The following KCNQ1 variants were observed in gnomAD, a reference collection of about 807,000 sequenced individuals.
KCNQ1 encodes potassium voltage-gated channel subfamily KQT member 1.
KCNQ1 carries 49 observed loss-of-function variants against 72.4 expected under a neutral mutation model. That is an observed-to-expected ratio of 0.68 (90% CI 0.54 to 0.86). KCNQ1 has a LOEUF of 0.86. Among genes scored for constraint, KCNQ1 ranks in the 40% least tolerant of loss-of-function variants. KCNQ1 has a pLI of 0.00. For missense variants in KCNQ1, 790 were observed against 945.1 expected, an observed-to-expected ratio of 0.84 and a Z score of 2.15; for synonymous variants, 450 against 412.6, an observed-to-expected ratio of 1.09 and a Z score of -1.10.
Position 2,673,627 on chromosome 11 carries a change from A to G in KCNQ1, c.1514+11546A>G, listed in dbSNP as rs1288050370. 5.0e-6 allele frequency: 2 copies of G among 398,592 alleles called. No individual in the cohort carries two copies. Among genetic ancestry groups the G allele is most frequent in the African/African-American group, 2.1e-5 (1 of 48,632 alleles). The allele number at this position is 398,592 out of a possible 1,614,324, so 24.7% of individuals were successfully genotyped here. A position where few individuals can be genotyped will look rare whatever the true frequency, so the allele number is the denominator to read the frequency against. Reference sequence around the variant, plus strand: ...ACGTGACCAGCCTACCCACCTTGCTACTGCTGATGACCACCCTGACTCATG... The same window carrying G: ...ACGTGACCAGCCTACCCACCTTGCTGCTGCTGATGACCACCCTGACTCATG... On this transcript the variant is annotated intron_variant, in intron 11 of 15. Coordinates refer to ENST00000155840, the MANE Select transcript of KCNQ1 (RefSeq NM_000218.3). This position sits in a 1 kb window ranked among gnomAD's most constrained non-coding sequence, Gnocchi z 4.5.
chr11:2,530,802 A>C (rs553603164), intron 2 of KCNQ1, among the ~76,000 whole-genome samples: 2 of 152,154 alleles, frequency 1.3e-5, no homozygotes, highest in African/African-American at 2.4e-5. Flanking sequence ...ATGTTTATGC[A>C]TGGCTGTGTT....
At chr11:2,733,857 C>CTCGCTCTCTCTCTCT (rs147278439) in intron 11 of KCNQ1, among the ~76,000 whole-genome samples, 1 of 76,322 alleles carries the variant, frequency 1.3e-5, no homozygotes, top group African/African-American at 6.1e-5. Flanking sequence ...CTCTCTCTCT[C>CTCGCTCTCTCTCTCT]CCCCCCCACT....
chr11:2,667,238 G>C (rs540782508), intron 11 of KCNQ1: 1 of 398,464 alleles, frequency 2.5e-6, no homozygotes, highest in Non-Finnish European at 4.4e-6. Flanking sequence ...CACTTCCTCC[G>C]TCTGAGCACG....
rs1309200824 is a variant in KCNQ1, at chr11:2,559,083, C to G, written c.478-11545C>G. Among the ~76,000 whole-genome samples the G allele has an allele frequency of 6.6e-6, 1 of 152,110 alleles. No homozygotes were observed. The highest frequency in any genetic ancestry group is 6.5e-5 in the Admixed American group (1 of 15,284). ...AAGGGGCAAGGTGGGGCTGGAGGCA[C>G]CGGCTCAGCAAGAGGGGTCACTTGA... is the stretch of plus-strand genomic sequence containing the variant. On this transcript the variant is annotated intron_variant, in intron 2 of 15. Transcript: ENST00000155840. The surrounding 1 kb of genome is among the most constrained non-coding windows in gnomAD (Gnocchi z 4.9).
chr11:2,789,252 C>T (rs1227660019), intron 15 of KCNQ1, among the ~76,000 whole-genome samples: 1 of 152,148 alleles, frequency 6.6e-6, no homozygotes, highest in African/African-American at 2.4e-5. Flanking sequence ...GAAGAGCAGA[C>T]GCTCTTCTGT....
At chr11:2,843,588 C>A (rs1362209497) in intron 15 of KCNQ1, among the ~76,000 whole-genome samples, 5 of 152,402 alleles carry the variant, frequency 3.3e-5, no homozygotes, top group African/African-American at 1.2e-4. Context: ...TCCCGCCTGT[C>A]CCTGGCCAGT....
rs1318166384 is a variant in KCNQ1, at chr11:2,667,165, C to T, written c.1514+5084C>T. ...TGGGAATCAGATGCCCTCAATCTGG[C>T]TTCCAGCCTGCCATCAGCCCAGCTG... On this transcript the variant is annotated intron_variant, in intron 11 of 15. Transcript: ENST00000155840. 6.5e-5 allele frequency: 26 copies of T among 398,568 alleles called. No homozygotes were observed. In the Admixed American group the frequency reaches 1.1e-3, roughly 17 times the overall value. The allele number at this position is 398,568 out of a possible 1,614,324, so 24.7% of individuals were successfully genotyped here.
Position 2,527,935 on chromosome 11 carries a change from A to C in KCNQ1, c.394A>C (p.Ile132Leu), listed in dbSNP as rs199472684. The C allele has an allele frequency of 1.9e-5, 31 of 1,613,818 alleles. No individual in the cohort carries two copies. The highest frequency in any genetic ancestry group is 2.5e-5 in the Non-Finnish European group (29 of 1,179,936). ...CGTGTCCCTGTCTTGCAGCTTCCTC[A>C]TCGTCCTGGTCTGCCTCATCTTCAG... ...CFVYHFAVFL[I>L]VLVCLIFSVL... The change falls in exon 2 of 16, where the codon ATC (isoleucine) becomes CTC (leucine). Residue 132 changes from isoleucine (I) to leucine (L), a missense_variant. Physicochemically the swap from Ile to Leu is conservative, Grantham distance 5. Coordinates refer to ENST00000155840, the MANE Select transcript of KCNQ1 (RefSeq NM_000218.3).
rs1051081065 is a variant in KCNQ1 at position 2,479,579 on chromosome 11, G to A, written c.386+34095G>A. On this transcript the variant is annotated intron_variant, in intron 1 of 15. Transcript: ENST00000155840. This position sits in a 1 kb window ranked among gnomAD's most constrained non-coding sequence, Gnocchi z 4.6. ...ACACAGGGCACCAAGTCCCTAGGCT[G>A]CACACAGCATGGAGGCCCTGGGCCC... Among the ~76,000 whole-genome samples the A allele has an allele frequency of 3.3e-5, 5 of 152,214 alleles. No individual in the cohort carries two copies. Among genetic ancestry groups the A allele is most frequent in the Non-Finnish European group, 7.3e-5 (5 of 68,036 alleles).
chr11:2,641,015 T>C, intron 10 of KCNQ1: 1 of 398,552 alleles, frequency 2.5e-6, no homozygotes, highest in East Asian at 3.6e-5. Context: ...CTTTGGTCAA[T>C]TAGTATTCCA....
rs1360322703 is a variant in KCNQ1, at chr11:2,654,983, A to G, written c.1394-6978A>G. 5.0e-6 allele frequency: 2 copies of G among 398,536 alleles called. No homozygotes were observed. The highest frequency in any genetic ancestry group is 8.8e-6 in the Non-Finnish European group (2 of 226,088). 24.7% of individuals were successfully genotyped at this position (398,536 alleles called of 1,614,324 possible). A position where few individuals can be genotyped will look rare whatever the true frequency, so the allele number is the denominator to read the frequency against. On this transcript the variant is annotated intron_variant, in intron 10 of 15. Transcript: ENST00000155840. The surrounding 1 kb of genome is among the most constrained non-coding windows in gnomAD (Gnocchi z 6.4). The stretch of plus-strand genomic sequence containing the variant: ...CTTGACTTGGAAAAGTATCATGCAA[A>G]ATAGAAAACACAGACACAATAAGGA...
Position 2,491,244 on chromosome 11 carries a change from A to C in KCNQ1, c.387-36684A>C, listed in dbSNP as rs1308778280. Among the ~76,000 whole-genome samples the C allele has an allele frequency of 6.6e-6, 1 of 152,234 alleles. No individual in the cohort carries two copies. The highest frequency in any genetic ancestry group is 1.5e-5 in the Non-Finnish European group (1 of 68,042). ...TAGGAAAACATGACCTGACCAAACA[A>C]ACTAAATAAAGCATCAGGGACCAAT... On this transcript the variant is annotated intron_variant, in intron 1 of 15. Transcript: ENST00000155840. This position sits in a 1 kb window ranked among gnomAD's most constrained non-coding sequence, Gnocchi z 4.1.
chr11:2,603,473 G>A lies in KCNQ1; in HGVS notation c.1393+14619G>A, dbSNP rs1848835814. Among the ~76,000 whole-genome samples, 1 of 152,102 alleles carries A rather than the reference G, an allele frequency of 6.6e-6. No homozygotes were observed. Among genetic ancestry groups the A allele is most frequent in the South Asian group, 2.1e-4 (1 of 4,826 alleles). ...AGCTGTGCAACTGCCACTCCAGTTT[G>A]AGAACATTTTTATCATTCCAAAAAG... On this transcript the variant is annotated intron_variant, in intron 10 of 15. Transcript: ENST00000155840. The surrounding 1 kb of genome is among the most constrained non-coding windows in gnomAD (Gnocchi z 4.1).
Position 2,817,998 on chromosome 11 carries a change from A to G in KCNQ1, c.1795-29769A>G, listed in dbSNP as rs1847654040. On this transcript the variant is annotated intron_variant, in intron 15 of 15. Transcript: ENST00000155840. The surrounding 1 kb of genome is among the most constrained non-coding windows in gnomAD (Gnocchi z 6.1). The stretch of plus-strand genomic sequence containing the variant: ...TATTCCCAAACTCTATCTACAAAAT[A>G]TTTTTCTCTTTTATCATTAAAGAAT... Among the ~76,000 whole-genome samples, 1 of 152,224 alleles carries G rather than the reference A, an allele frequency of 6.6e-6. No homozygotes were observed. Among genetic ancestry groups the G allele is most frequent in the East Asian group, 1.9e-4 (1 of 5,174 alleles).
At chr11:2,786,894 C>T (rs1846924410) in intron 15 of KCNQ1, among the ~76,000 whole-genome samples, 1 of 149,238 alleles carries the variant, frequency 6.7e-6, no homozygotes, top group East Asian at 2.0e-4. Context: ...AGTTCACCTC[C>T]CTGTTTGATT....
At position 2,588,463 on chromosome 11, in the gene KCNQ1, T is replaced by G. The variant is rs542079960; in HGVS notation, c.1252-250T>G. 6.6e-6 allele frequency among the ~76,000 whole-genome samples: 1 copy of G among 152,300 alleles called. No individual in the cohort carries two copies. The highest frequency in any genetic ancestry group is 6.5e-5 in the Admixed American group (1 of 15,306). ...GGCACCATCTTGTACGTTTATCTGC[T>G]TCCTGCTGTCCTGTTAGCGAGGCCG... is the stretch of plus-strand genomic sequence containing the variant. On this transcript the variant is annotated intron_variant, in intron 9 of 15. Coordinates refer to ENST00000155840, the MANE Select transcript of KCNQ1 (RefSeq NM_000218.3). The surrounding 1 kb of genome is among the most constrained non-coding windows in gnomAD (Gnocchi z 5.6).
chr11:2,646,634 TC>T (rs1185860424), intron 10 of KCNQ1: 1 of 398,716 alleles, frequency 2.5e-6, no homozygotes, highest in African/African-American at 2.1e-5. Flanking sequence ...CAAGTGATCC[TC>T]CCATCTCAGC....
chr11:2,736,326 G>A (rs895870173), intron 11 of KCNQ1, among the ~76,000 whole-genome samples: 2 of 152,206 alleles, frequency 1.3e-5, no homozygotes, highest in Admixed American at 1.3e-4. Flanking sequence ...GGGATCTGGG[G>A]CCCACCGGGG....
intron 11 of KCNQ1, chr11:2,700,028 C>A (rs545466321): frequency 3.8e-5 from 15 of 398,080 alleles, no homozygotes; most frequent in Non-Finnish European, 5.8e-5. Context: ...CGACTGCCCC[C>A]GCCGCTGCCG....
Sources: allele counts gnomAD v4.1 joint callset (sites outside exome capture counted in the v4.1 genomes callset), GRCh38; gene constraint gnomAD v4.1.1; non-coding constraint Gnocchi (gnomAD v3.1); transcripts MANE v1.5; gene names NCBI Gene and HGNC (gene_info 2026-07-23, HGNC 2026-07-21).